TARS3: variants seen among roughly 807,000 people sequenced by gnomAD.
TARS3 encodes threonyl-tRNA synthetase 3, also known as threonine--tRNA ligase 2, cytoplasmic.
TARS3 carries 94 observed loss-of-function variants against 103.5 expected under a neutral mutation model. The observed-to-expected ratio is 0.91, with a 90% CI of 0.77 to 1.08. The LOEUF (loss-of-function observed/expected upper bound fraction) is 1.08. TARS3 is among the 50% of genes least tolerant of loss of function. The pLI is 0.00. For missense variants in TARS3, 952 were observed against 995.2 expected, an observed-to-expected ratio of 0.96 and a Z score of 0.58; for synonymous variants, 416 against 355.4, an observed-to-expected ratio of 1.17 and a Z score of -1.92.
chr15:101,701,404 T>C (rs1227100881), intron 9 of TARS3, among the ~76,000 whole-genome samples: 2 of 152,248 alleles, frequency 1.3e-5, no homozygotes, highest in African/African-American at 4.8e-5. Context: ...CCTTCTGCTA[T>C]TCTCTGCGAA....
intron 6 of TARS3, among the ~76,000 whole-genome samples, chr15:101,707,166 T>C (rs1899609449): frequency 6.6e-6 from 1 of 151,820 alleles, no homozygotes. Context: ...AGGATGTCCA[T>C]GATTAAAAAA....
intron 7 of TARS3, 113 bp from the exon 8 acceptor site, chr15:101,704,050 A>C (rs1899418563): frequency 8.9e-6 from 6 of 673,534 alleles, no homozygotes; most frequent in Non-Finnish European, 1.5e-5. Flanking sequence ...TATATGTAGC[A>C]ATGCCATTTT....
At chr15:101,721,844 C>T (rs1473852164) in intron 2 of TARS3, among the ~76,000 whole-genome samples, 1 of 152,158 alleles carries the variant, frequency 6.6e-6, no homozygotes, top group Non-Finnish European at 1.5e-5. Flanking sequence ...TCAGTAGAAA[C>T]TGTACTTTGA....
chr15:101,685,824 CA>C, intron 11 of TARS3, 71 bp downstream of exon 11: 1 of 1,264,938 alleles, frequency 7.9e-7, no homozygotes, highest in South Asian at 1.7e-5. Context: ...TTCCACAAAG[CA>C]TTAAAAGATA....
At chr15:101,721,058 G>A (rs1328798552) in intron 3 of TARS3, 68 bp downstream of exon 3, 4 of 1,393,580 alleles carry the variant, frequency 2.9e-6, no homozygotes, top group Non-Finnish European at 4.0e-6. Flanking sequence ...CGGTCCCTAA[G>A]AAAACATTTT....
intron 15 of TARS3, among the ~76,000 whole-genome samples, chr15:101,669,759 A>G (rs1897724214): frequency 6.6e-6 from 1 of 152,226 alleles, no homozygotes; most frequent in South Asian, 2.1e-4. Flanking sequence ...TAGCCTAGGT[A>G]TGTAGTAGGC....
chr15:101,653,864 A>T lies in TARS3; in HGVS notation c.*718T>A, dbSNP rs1334325156. 1.3e-5 allele frequency: 2 copies of T among 152,234 alleles called. No individual in the cohort carries two copies. Among genetic ancestry groups the T allele is most frequent in the Non-Finnish European group, 2.9e-5 (2 of 68,038 alleles). The allele number at this position is 152,234 out of a possible 1,614,324, so 9.4% of individuals were successfully genotyped here. A position where few individuals can be genotyped will look rare whatever the true frequency, so the allele number is the denominator to read the frequency against. On this transcript the variant is annotated 3_prime_UTR_variant, in exon 19 of 19. Coordinates refer to ENST00000335968, the MANE Select transcript of TARS3 (RefSeq NM_152334.3). ...ACATAAATCCATGGAATGTCATCCC[A>T]TCAAAAAAGTAACAACTCTAGGTGA...
chr15:101,670,929 G>A (rs1897772268), intron 15 of TARS3, among the ~76,000 whole-genome samples: 2 of 152,164 alleles, frequency 1.3e-5, no homozygotes, highest in African/African-American at 4.8e-5. Flanking sequence ...TGACATTCTG[G>A]AAAGGGCAAG....
At chr15:101,694,121 C>T (rs756412165) in intron 10 of TARS3, among the ~76,000 whole-genome samples, 11 of 152,192 alleles carry the variant, frequency 7.2e-5, no homozygotes, top group Non-Finnish European at 1.2e-4. Context: ...ACAAAAAGAT[C>T]TATTTATTCA....
chr15:101,656,835 G>A (rs1897212021), intron 18 of TARS3, 87 bp downstream of exon 18: 1 of 760,624 alleles, frequency 1.3e-6, no homozygotes, highest in Non-Finnish European at 2.2e-6. Context: ...TGATAATCAA[G>A]TAGTTGAACC....
chr15:101,675,930 A>G (rs1898004922), intron 12 of TARS3, among the ~76,000 whole-genome samples, 193 bp from the exon 13 acceptor site: 1 of 142,160 alleles, frequency 7.0e-6, no homozygotes, highest in Non-Finnish European at 1.6e-5. Context: ...GGAATGGAGA[A>G]GGAGTAGGCG....
chr15:101,709,005 T>A lies in TARS3; in HGVS notation c.813-95A>T. The A allele has an allele frequency of 3.8e-6, 3 of 780,154 alleles. No homozygotes were observed. The South Asian group carries it at 5.4e-5, about 14-fold the overall frequency. 48.3% of individuals were successfully genotyped at this position (780,154 alleles called of 1,614,324 possible). A position where few individuals can be genotyped will look rare whatever the true frequency, so the allele number is the denominator to read the frequency against. ...GAGCCTCAGCAGCCATAAATTTGAA[T>A]CTGCTGTCTTATTGTTCCAGGACTT... On this transcript the variant is annotated intron_variant, in intron 5 of 18. Coordinates refer to ENST00000335968, the MANE Select transcript of TARS3 (RefSeq NM_152334.3).
At chr15:101,657,237 A>G (rs548793653) in intron 17 of TARS3, among the ~76,000 whole-genome samples, 6 of 152,330 alleles carry the variant, frequency 3.9e-5, no homozygotes, top group Admixed American at 3.3e-4. Flanking sequence ...TGCAGCTCCC[A>G]TCTCTCTCAG....
chr15:101,694,373 C>T (rs149789479), intron 10 of TARS3, among the ~76,000 whole-genome samples: 11 of 152,332 alleles, frequency 7.2e-5, no homozygotes, highest in African/African-American at 2.4e-4. Flanking sequence ...TATATTCCAT[C>T]GTGCTCAGCA....
Position 101,723,804 on chromosome 15 carries a change from A to G in TARS3, c.297+287T>C, listed in dbSNP as rs112182435. On this transcript the variant is annotated intron_variant, in intron 1 of 18. Transcript: ENST00000335968. ...AAACACTCCAGCATTTTTTCAAACA[A>G]ATGAAAACACTATTTCTGCTACTGA... is the stretch of plus-strand genomic sequence containing the variant. 8.5e-5 allele frequency among the ~76,000 whole-genome samples: 13 copies of G among 152,320 alleles called. 2 individuals carry two copies. Among genetic ancestry groups the G allele is most frequent in the African/African-American group, 2.9e-4 (12 of 41,588 alleles).
Position 101,686,080 on chromosome 15 carries a change from T to G in TARS3, c.1321-18A>C. 1.3e-6 allele frequency: 2 copies of G among 1,586,202 alleles called. No homozygotes were observed. The highest frequency in any genetic ancestry group is 1.7e-6 in the Non-Finnish European group (2 of 1,161,960). On this transcript the variant is annotated intron_variant, in intron 10 of 18. Transcript: ENST00000335968. The stretch of plus-strand genomic sequence containing the variant: ...TATTCCTCCTTCAAGATACATGCAT[T>G]CAACATTAAAATCTGCTAGGGCAGA...
intron 10 of TARS3, among the ~76,000 whole-genome samples, chr15:101,694,090 A>G (rs991898197): frequency 6.6e-6 from 1 of 152,152 alleles, no homozygotes; most frequent in Admixed American, 6.6e-5. Flanking sequence ...AATGCAGGGA[A>G]AAAAAAATTC....
chr15:101,677,078 TGTTA>T (rs1304919002), intron 12 of TARS3, among the ~76,000 whole-genome samples: 3 of 152,192 alleles, frequency 2.0e-5, no homozygotes, highest in Non-Finnish European at 4.4e-5. Flanking sequence ...TCTATTCCTG[TGTTA>T]GTTTGCTGAG....
At chr15:101,670,779 G>C (rs1897763446) in intron 15 of TARS3, among the ~76,000 whole-genome samples, 2 of 152,130 alleles carry the variant, frequency 1.3e-5, no homozygotes, top group Admixed American at 1.3e-4. Flanking sequence ...TGAGAGATTG[G>C]ATCCACAATG....
Sources: gnomAD v4.1 joint callset for allele counts (sites outside exome capture counted in the v4.1 genomes callset) on GRCh38, gnomAD v4.1.1 for gene constraint, MANE v1.5 for transcripts, NCBI Gene and HGNC (gene_info 2026-07-23, HGNC 2026-07-21) for gene names.